Variants in SEPTIN11 observed in about 807,000 individuals in gnomAD.
SEPTIN11 encodes septin-11.
SEPTIN11 carries 25 observed loss-of-function variants against 51.4 expected under a neutral mutation model. That is an observed-to-expected ratio of 0.49 (90% CI 0.35 to 0.68). The LOEUF (loss-of-function observed/expected upper bound fraction) is 0.68, where lower values mean the gene tolerates loss of function less well. Among genes scored for constraint, SEPTIN11 ranks in the 30% least tolerant of loss-of-function variants. The pLI is 0.00. For missense variants in SEPTIN11, 381 were observed against 520.8 expected, an observed-to-expected ratio of 0.73 and a Z score of 2.61; for synonymous variants, 174 against 184.1, an observed-to-expected ratio of 0.95 and a Z score of 0.44.
intron 1 of SEPTIN11, among the ~76,000 whole-genome samples, chr4:76,980,089 T>C (rs933701174): frequency 1.3e-5 from 2 of 152,204 alleles, no homozygotes; most frequent in Non-Finnish European, 2.9e-5. Context: ...CCTCTTTTTT[T>C]GTTCTGTGGA....
chr4:76,969,859 A>G (rs1444904667), intron 1 of SEPTIN11, among the ~76,000 whole-genome samples: 3 of 152,206 alleles, frequency 2.0e-5, no homozygotes, highest in Admixed American at 2.0e-4. Flanking sequence ...TCCAGTTCTT[A>G]AAAAGCATTT....
At chr4:77,020,260 C>T (rs753193531) in intron 6 of SEPTIN11, among the ~76,000 whole-genome samples, 4 of 152,174 alleles carry the variant, frequency 2.6e-5, no homozygotes, top group Non-Finnish European at 5.9e-5. Context: ...AAGCTCCTCC[C>T]TCTGTGCTCT....
At chr4:76,994,928 T>TTTTA (rs1723589414) in intron 1 of SEPTIN11, among the ~76,000 whole-genome samples, 4 of 108,064 alleles carry the variant, frequency 3.7e-5, no homozygotes, top group East Asian at 4.9e-4. Context: ...TTTTTTTTTT[T>TTTTA]AAATAAAATG....
chr4:76,952,274 C>G (rs1721381646), intron 1 of SEPTIN11, among the ~76,000 whole-genome samples: 1 of 151,984 alleles, frequency 6.6e-6, no homozygotes, highest in Non-Finnish European at 1.5e-5. Context: ...GTGATTTCAC[C>G]AAAAGAAAGG....
intron 2 of SEPTIN11, among the ~76,000 whole-genome samples, chr4:77,002,989 C>G (rs73826487): frequency 0.024 from 3,727 of 152,236 alleles, 150 homozygotes; most frequent in African/African-American, 0.084. Context: ...GATGCTCTAC[C>G]CCATCTATCT....
chr4:77,009,730 T>C (rs930481555), intron 3 of SEPTIN11: 12 of 152,128 alleles, frequency 7.9e-5, no homozygotes, highest in African/African-American at 2.4e-4. Context: ...GAGGAGGAGG[T>C]GCTAAAAGCT....
At chr4:77,003,319 T>A (rs1724250362) in intron 2 of SEPTIN11, among the ~76,000 whole-genome samples, 1 of 152,202 alleles carries the variant, frequency 6.6e-6, no homozygotes, top group Middle Eastern at 3.2e-3. Context: ...ATGTAAAGGA[T>A]GGTCTTGCTT....
At chr4:77,009,137 G>C (rs1724687396) in intron 3 of SEPTIN11, among the ~76,000 whole-genome samples, 1 of 152,174 alleles carries the variant, frequency 6.6e-6, no homozygotes, top group East Asian at 1.9e-4. Flanking sequence ...CTTTTTATTG[G>C]TTAATAATGG....
intron 3 of SEPTIN11, among the ~76,000 whole-genome samples, chr4:77,006,684 A>C (rs1378383099): frequency 6.6e-6 from 1 of 152,198 alleles, no homozygotes; most frequent in Admixed American, 6.5e-5. Context: ...ACAAATCAGT[A>C]AGTTAGGGTG....
intron 1 of SEPTIN11, chr4:76,995,784 A>G (rs1167802217): frequency 2.6e-6 from 4 of 1,520,460 alleles, no homozygotes; most frequent in African/African-American, 1.4e-5. Flanking sequence ...ACCCTAGTCT[A>G]CATCGGTAAA....
At chr4:76,981,560 G>A (rs1325483211) in intron 1 of SEPTIN11, among the ~76,000 whole-genome samples, 1 of 152,178 alleles carries the variant, frequency 6.6e-6, no homozygotes, top group Non-Finnish European at 1.5e-5. Flanking sequence ...TTAACTTTCT[G>A]TAAGGCAGAA....
intron 1 of SEPTIN11, among the ~76,000 whole-genome samples, chr4:76,968,448 A>G (rs1722117075): frequency 1.3e-5 from 2 of 152,176 alleles, no homozygotes; most frequent in African/African-American, 2.4e-5. Context: ...CTTCCTGCCT[A>G]TACAAAAATG....
intron 2 of SEPTIN11, 71 bp downstream of exon 2, chr4:76,996,610 T>C (rs763189142): frequency 1.9e-5 from 20 of 1,080,066 alleles, no homozygotes; most frequent in Non-Finnish European, 2.8e-5. Context: ...CGGAGAGACA[T>C]GCTTCAGTGA....
At chr4:76,950,041 G>GCGGCGA (rs1721256388) in intron 1 of SEPTIN11, 111 bp downstream of exon 1, 3 of 1,172,752 alleles carry the variant, frequency 2.6e-6, no homozygotes, top group African/African-American at 1.6e-5. Context: ...CCCCGCGGCG[G>GCGGCGA]CGGCGACGGC....
chr4:77,018,068 A>T (rs1725421712), intron 5 of SEPTIN11, among the ~76,000 whole-genome samples: 1 of 152,260 alleles, frequency 6.6e-6, no homozygotes, highest in Admixed American at 6.5e-5. Flanking sequence ...AAGTAAAAAG[A>T]AATGTGAAAT....
intron 1 of SEPTIN11, among the ~76,000 whole-genome samples, chr4:76,967,157 C>G (rs1285365451): frequency 6.6e-6 from 1 of 151,558 alleles, no homozygotes; most frequent in Non-Finnish European, 1.5e-5. Context: ...AGATCATGCC[C>G]CTTTACTGCA....
intron 1 of SEPTIN11, among the ~76,000 whole-genome samples, chr4:76,952,082 CAG>C (rs1017497577): frequency 2.0e-5 from 3 of 152,328 alleles, no homozygotes; most frequent in Admixed American, 2.0e-4. Flanking sequence ...TCACATTTCA[CAG>C]ATAATTGTTG....
intron 1 of SEPTIN11, among the ~76,000 whole-genome samples, chr4:76,967,246 A>T (rs565618387): frequency 6.6e-6 from 1 of 152,226 alleles, no homozygotes; most frequent in Admixed American, 6.5e-5. Context: ...AACATTAATA[A>T]GAAATAGAAA....
chr4:76,973,497 A>G (rs1273532167), intron 1 of SEPTIN11, among the ~76,000 whole-genome samples: 4 of 152,218 alleles, frequency 2.6e-5, no homozygotes, highest in African/African-American at 7.2e-5. Context: ...CCCTCTCCCA[A>G]GGTTCCTCAT....
Sources: allele counts gnomAD v4.1 joint callset (sites outside exome capture counted in the v4.1 genomes callset), GRCh38; gene constraint gnomAD v4.1.1; transcripts MANE v1.5; gene names NCBI Gene and HGNC (gene_info 2026-07-23, HGNC 2026-07-21).